Variants in ASTN1 observed in about 807,000 individuals in gnomAD.
ASTN1 encodes astrotactin 1, also known as astrotactin-1.
A neutral mutation model predicts 140.7 loss-of-function variants in ASTN1; 41 were observed. The ratio of observed to expected loss-of-function variants is 0.29; its 90% confidence interval spans 0.23 to 0.38. The LOEUF is 0.38. Among genes scored for constraint, ASTN1 ranks in the 10% least tolerant of loss-of-function variants. ASTN1 has a pLI of 1.00. For missense variants in ASTN1, 1,479 were observed against 1,678.8 expected, an observed-to-expected ratio of 0.88 and a Z score of 2.08; for synonymous variants, 640 against 652.2, an observed-to-expected ratio of 0.98 and a Z score of 0.29.
intron 1 of ASTN1, among the ~76,000 whole-genome samples, chr1:177,068,774 C>T (rs776969645): frequency 5.3e-5 from 8 of 151,504 alleles, no homozygotes; most frequent in Non-Finnish European, 1.0e-4. Flanking sequence ...TAGAATCAGA[C>T]GTTTTCTCTT....
intron 1 of ASTN1, among the ~76,000 whole-genome samples, chr1:177,092,719 T>C (rs1679817922): frequency 6.6e-6 from 1 of 152,192 alleles, no homozygotes; most frequent in African/African-American, 2.4e-5. Flanking sequence ...TTCCATGTGA[T>C]AGGCAGTTTG....
intron 1 of ASTN1, 88 bp downstream of exon 1, chr1:177,164,306 G>C (rs1647572491): frequency 4.4e-6 from 6 of 1,355,450 alleles, no homozygotes; most frequent in Admixed American, 2.8e-5. Context: ...GGAGGTCGTC[G>C]GCGAGTGGGT....
intron 16 of ASTN1, among the ~76,000 whole-genome samples, chr1:176,896,502 C>A (rs921518409): frequency 6.6e-6 from 1 of 152,158 alleles, no homozygotes; most frequent in African/African-American, 2.4e-5. Flanking sequence ...AAGACTCCCC[C>A]CTCCTCCAGC....
chr1:176,885,193 T>C (rs1344253211), intron 18 of ASTN1, among the ~76,000 whole-genome samples: 1 of 152,224 alleles, frequency 6.6e-6, no homozygotes, highest in African/African-American at 2.4e-5. Context: ...CTGTCTTTGC[T>C]CTTGGGTTTA....
chr1:177,098,725 GA>G (rs1193135344), intron 1 of ASTN1, among the ~76,000 whole-genome samples: 4 of 152,286 alleles, frequency 2.6e-5, no homozygotes, highest in Non-Finnish European at 5.9e-5. Flanking sequence ...GATCTTCTGT[GA>G]TAAACTAATC....
intron 1 of ASTN1, among the ~76,000 whole-genome samples, chr1:177,092,649 T>G (rs959275342): frequency 2.6e-5 from 4 of 152,200 alleles, no homozygotes; most frequent in Non-Finnish European, 5.9e-5. Flanking sequence ...CATTTAGGTG[T>G]TTGATCCATT....
chr1:177,143,195 G>A (rs1380084512), intron 1 of ASTN1, among the ~76,000 whole-genome samples: 2 of 152,138 alleles, frequency 1.3e-5, no homozygotes, highest in East Asian at 3.9e-4. Flanking sequence ...AGCAGTTTTT[G>A]CATTTATGTT....
chr1:177,159,431 A>G (rs1558138697), intron 1 of ASTN1, among the ~76,000 whole-genome samples: 2 of 152,370 alleles, frequency 1.3e-5, no homozygotes, highest in East Asian at 3.9e-4. Context: ...GAAAAGAAAC[A>G]TATTTTAAAG....
chr1:176,996,433 A>T lies in ASTN1; in HGVS notation c.1523+18358T>A, dbSNP rs141177688. Among the ~76,000 whole-genome samples the T allele has an allele frequency of 9.0e-3, 1,362 of 151,824 alleles. 21 individuals carry two copies. The highest frequency in any genetic ancestry group is 0.029 in the African/African-American group (1,202 of 41,378). On this transcript the variant is annotated intron_variant, in intron 8 of 22. Coordinates refer to ENST00000361833, the MANE Select transcript of ASTN1 (RefSeq NM_004319.3). ...CCCAGGCAGTTTCTTTCCCTTCCCA[A>T]CCCCCATCCCATGGCGCCTTAGATT...
intron 16 of ASTN1, among the ~76,000 whole-genome samples, chr1:176,925,478 C>T (rs1206876908): frequency 1.3e-5 from 2 of 152,160 alleles, no homozygotes; most frequent in Non-Finnish European, 2.9e-5. Flanking sequence ...TTAGGTGATA[C>T]ATATGCGTAT....
intron 12 of ASTN1, among the ~76,000 whole-genome samples, chr1:176,948,798 A>G (rs1672062485): frequency 6.6e-6 from 1 of 152,172 alleles, no homozygotes; most frequent in South Asian, 2.1e-4. Context: ...CTAGTTTTGC[A>G]CACTCTTTCC....
intron 22 of ASTN1, among the ~76,000 whole-genome samples, chr1:176,867,241 T>G (rs992546709): frequency 6.6e-6 from 1 of 152,104 alleles, no homozygotes; most frequent in Admixed American, 6.6e-5. Flanking sequence ...TTTCAAATTG[T>G]GACATTTATG....
At chr1:176,903,985 T>G (rs1233524631) in intron 16 of ASTN1, among the ~76,000 whole-genome samples, 1 of 152,226 alleles carries the variant, frequency 6.6e-6, no homozygotes, top group Non-Finnish European at 1.5e-5. Flanking sequence ...TTTCTGTGTG[T>G]CTGTGTCCAA....
chr1:177,082,356 T>C (rs1679221903), intron 1 of ASTN1, among the ~76,000 whole-genome samples: 1 of 152,184 alleles, frequency 6.6e-6, no homozygotes, highest in Admixed American at 6.5e-5. Context: ...CTCCATGCTT[T>C]CTTAGGCTCC....
At position 176,894,836 on chromosome 1, in the gene ASTN1, G is replaced by C. The variant is rs1669438566; in HGVS notation, c.2672-6C>G. The stretch of plus-strand genomic sequence containing the variant: ...CTCATCTGATGGGGAGTTGCCTGCA[G>C]ACACAAAATGGAAAGAAACAGTGAA... On this transcript the variant is annotated splice_polypyrimidine_tract_variant and splice_region_variant and intron_variant, in intron 16 of 22. Coordinates refer to ENST00000361833, the MANE Select transcript of ASTN1 (RefSeq NM_004319.3). The C allele has an allele frequency of 6.2e-7, 1 of 1,613,056 alleles. No homozygotes were observed. The highest frequency in any genetic ancestry group is 8.5e-7 in the Non-Finnish European group (1 of 1,180,048).
At chr1:177,122,866 G>A (rs879368501) in intron 1 of ASTN1, among the ~76,000 whole-genome samples, 3 of 152,174 alleles carry the variant, frequency 2.0e-5, no homozygotes, top group Admixed American at 6.5e-5. Context: ...TGACAGAGAA[G>A]AGCCCTTGAG....
At chr1:176,901,688 C>T (rs78596421) in intron 16 of ASTN1, among the ~76,000 whole-genome samples, 3 of 152,126 alleles carry the variant, frequency 2.0e-5, no homozygotes, top group Non-Finnish European at 2.9e-5. Context: ...GCTATGCTGC[C>T]CAGTCTCAGT....
At chr1:177,134,289 C>G (rs1200080043) in intron 1 of ASTN1, among the ~76,000 whole-genome samples, 1 of 152,216 alleles carries the variant, frequency 6.6e-6, no homozygotes, top group East Asian at 1.9e-4. Flanking sequence ...GCAGTAGTAC[C>G]TAACTGACCT....
At chr1:176,867,502 T>G (rs1668169252) in intron 22 of ASTN1, among the ~76,000 whole-genome samples, 1 of 150,894 alleles carries the variant, frequency 6.6e-6, no homozygotes, top group African/African-American at 2.5e-5. Flanking sequence ...AACTCTGGGT[T>G]TGTCTCTTAT....
Sources: allele counts gnomAD v4.1 joint callset (sites outside exome capture counted in the v4.1 genomes callset), GRCh38; gene constraint gnomAD v4.1.1; transcripts MANE v1.5; gene names NCBI Gene and HGNC (gene_info 2026-07-23, HGNC 2026-07-21).